MTHFD1L: variants seen among roughly 807,000 people sequenced by gnomAD.
MTHFD1L encodes monofunctional C1-tetrahydrofolate synthase, mitochondrial.
In MTHFD1L, 81 loss-of-function variants were observed where a neutral mutation model predicts 119.5. That is an observed-to-expected ratio of 0.68 (90% CI 0.57 to 0.82). The LOEUF is 0.82. Ranked by LOEUF, MTHFD1L falls within the 40% of genes least tolerant of loss-of-function variation. The probability of loss-of-function intolerance (pLI) is 0.00; values close to 1 mark genes in which losing one functional copy is unlikely to be tolerated. For missense variants in MTHFD1L, 1,125 were observed against 1,253.4 expected, an observed-to-expected ratio of 0.90 and a Z score of 1.55; for synonymous variants, 430 against 475.2, an observed-to-expected ratio of 0.90 and a Z score of 1.24.
At chr6:151,057,569 C>A (rs1790123254) in intron 26 of MTHFD1L, among the ~76,000 whole-genome samples, 1 of 151,952 alleles carries the variant, frequency 6.6e-6, no homozygotes, top group Non-Finnish European at 1.5e-5. Flanking sequence ...GAGGTAAAGG[C>A]TGAAGTGAGC....
At chr6:150,879,678 A>G (rs1478490094) in intron 4 of MTHFD1L, among the ~76,000 whole-genome samples, 3 of 128,802 alleles carry the variant, frequency 2.3e-5, no homozygotes, top group Admixed American at 9.2e-5. Flanking sequence ...CACCCAGGCT[A>G]GAGTCCAATG....
At chr6:151,081,812 A>T (rs1223060989) in intron 26 of MTHFD1L, among the ~76,000 whole-genome samples, 1 of 152,210 alleles carries the variant, frequency 6.6e-6, no homozygotes, top group Non-Finnish European at 1.5e-5. Flanking sequence ...ATGACATGGC[A>T]CAGCAAGCAA....
intron 5 of MTHFD1L, among the ~76,000 whole-genome samples, chr6:150,885,114 T>C (rs1050812290): frequency 6.6e-6 from 1 of 152,194 alleles, no homozygotes. Flanking sequence ...AGGGTGAAGT[T>C]TCCTAAGGTA....
Position 150,945,559 on chromosome 6 carries a change from A to G in MTHFD1L, c.1623+18A>G. On this transcript the variant is annotated intron_variant, in intron 15 of 27. Transcript: ENST00000367321. ...GGCTAAAAGTAAGTTTCCAGTTAGC[A>G]ATTCTTTAAAAAGAAAATATCGTAG... is the stretch of plus-strand genomic sequence containing the variant. 1 of 1,604,318 alleles carries G rather than the reference A, an allele frequency of 6.2e-7. No homozygotes were observed. Among genetic ancestry groups the G allele is most frequent in the Non-Finnish European group, 8.5e-7 (1 of 1,173,808 alleles).
chr6:150,866,011 C>A lies in MTHFD1L; in HGVS notation c.189C>A (p.Pro63=). 2.9e-6 allele frequency: 4 copies of A among 1,389,080 alleles called. No individual in the cohort carries two copies. The highest frequency in any genetic ancestry group is 1.6e-5 in the South Asian group (1 of 62,294). 86.0% of individuals were successfully genotyped at this position (1,389,080 alleles called of 1,614,324 possible). A position where few individuals can be genotyped will look rare whatever the true frequency, so the allele number is the denominator to read the frequency against. Residue 63 remains proline (P), a synonymous_variant, in exon 1 of 28, where the codon CCC becomes CCA. Coordinates refer to ENST00000367321, the MANE Select transcript of MTHFD1L (RefSeq NM_015440.5). The stretch of plus-strand genomic sequence containing the variant: ...GCCAGGCCCGGAGCAGCTGCAGCCC[C>A]GGCGGCCGAACGCCCGCGGCGCGGG... ...QDGQARSSCS[P]GGRTPAARDS... is the part of the protein sequence containing the mutation.
chr6:150,983,237 T>C (rs1255880915), intron 20 of MTHFD1L, among the ~76,000 whole-genome samples: 1 of 151,742 alleles, frequency 6.6e-6, no homozygotes, highest in African/African-American at 2.4e-5. Context: ...CTTTTAAATA[T>C]GCTTGTTGTA....
chr6:151,095,297 G>A (rs1351768455), intron 27 of MTHFD1L, among the ~76,000 whole-genome samples: 1 of 152,112 alleles, frequency 6.6e-6, no homozygotes. Context: ...GTAAGGCTGT[G>A]GGGAAATAAT....
intron 8 of MTHFD1L, 65 bp downstream of exon 8, chr6:150,905,826 TTTTC>T: frequency 1.6e-6 from 2 of 1,252,774 alleles, no homozygotes; most frequent in Non-Finnish European, 2.3e-6. Context: ...AATGTTAACC[TTTTC>T]CTAAGAGGTT....
chr6:151,039,772 G>A lies in MTHFD1L; in HGVS notation c.2847+2655G>A, dbSNP rs529714444. Among the ~76,000 whole-genome samples, 66 of 152,220 alleles carry A rather than the reference G, an allele frequency of 4.3e-4. No homozygotes were observed. The highest frequency in any genetic ancestry group is 1.5e-3 in the African/African-American group (61 of 41,540). On this transcript the variant is annotated intron_variant, in intron 26 of 27. Coordinates refer to ENST00000367321, the MANE Select transcript of MTHFD1L (RefSeq NM_015440.5). This position sits in a 1 kb window ranked among gnomAD's most constrained non-coding sequence, Gnocchi z 4.4. ...ACTACTAAAAATACAAAAATTTGCCGGGCGGGGTGGTGGGCACCTATAATC... is the reference window on the plus strand; with the variant it reads ...ACTACTAAAAATACAAAAATTTGCCAGGCGGGGTGGTGGGCACCTATAATC...
At chr6:151,008,352 A>G (rs574655708) in intron 20 of MTHFD1L, among the ~76,000 whole-genome samples, 2 of 152,214 alleles carry the variant, frequency 1.3e-5, no homozygotes, top group Admixed American at 6.5e-5. Flanking sequence ...GCATATAAGT[A>G]TGTATTTCAT....
intron 4 of MTHFD1L, 67 bp from the exon 5 acceptor site, chr6:150,882,695 A>G: frequency 1.7e-6 from 2 of 1,185,470 alleles, no homozygotes; most frequent in South Asian, 3.8e-5. Flanking sequence ...TTTTATATAA[A>G]GCTTCCTTTG....
chr6:151,032,186 A>G (rs1785426077), intron 24 of MTHFD1L, among the ~76,000 whole-genome samples: 1 of 152,240 alleles, frequency 6.6e-6, no homozygotes, highest in Non-Finnish European at 1.5e-5. Flanking sequence ...GAGTTGCTAT[A>G]AAGGCATCCC....
intron 15 of MTHFD1L, 89 bp from the exon 16 acceptor site, chr6:150,948,942 G>C: frequency 8.9e-7 from 1 of 1,118,112 alleles, no homozygotes; most frequent in Non-Finnish European, 1.3e-6. Context: ...ACCAATCATG[G>C]AGAAAATAAA....
At chr6:151,061,722 A>G (rs1445682584) in intron 26 of MTHFD1L, among the ~76,000 whole-genome samples, 1 of 152,192 alleles carries the variant, frequency 6.6e-6, no homozygotes, top group Non-Finnish European at 1.5e-5. Context: ...AGCCCCTCAA[A>G]GGGTCATTAA....
Position 150,944,477 on chromosome 6 carries a change from T to C in MTHFD1L, c.1441-9T>C. 6.3e-7 allele frequency: 1 copy of C among 1,596,840 alleles called. No individual in the cohort carries two copies. ...AATAAATAAATAGAAAGATATCTTA[T>C]TTCTCTAGTTCAACCTTCACTTGAC... On this transcript the variant is annotated splice_polypyrimidine_tract_variant and intron_variant, in intron 13 of 27. Transcript: ENST00000367321.
chr6:150,994,097 G>GAAGAAAGAAAGAA (rs61147935), intron 20 of MTHFD1L, among the ~76,000 whole-genome samples: 10 of 129,180 alleles, frequency 7.7e-5, no homozygotes, highest in East Asian at 4.5e-4. Context: ...AAGAAAGAAA[G>GAAGAAAGAAAGAA]TGACCCAGCA....
intron 20 of MTHFD1L, among the ~76,000 whole-genome samples, chr6:150,998,989 T>TAAAAAAAAA (rs201806937): frequency 1.4e-4 from 21 of 147,920 alleles, no homozygotes; most frequent in African/African-American, 3.3e-4. Context: ...GACCCTGTCT[T>TAAAAAAAAA]AAAAAAATAT....
chr6:150,931,268 CTT>C (rs370763551), intron 11 of MTHFD1L, among the ~76,000 whole-genome samples: 21 of 123,710 alleles, frequency 1.7e-4, no homozygotes, highest in Non-Finnish European at 3.4e-4. Context: ...ATCATTTCAT[CTT>C]TTTTTTTTTT....
At chr6:151,046,837 G>A (rs1324506108) in intron 26 of MTHFD1L, among the ~76,000 whole-genome samples, 4 of 152,232 alleles carry the variant, frequency 2.6e-5, no homozygotes, top group Admixed American at 2.6e-4. Flanking sequence ...GCCACCCTCA[G>A]AGTCAGTTTG....
Sources: allele counts gnomAD v4.1 joint callset (sites outside exome capture counted in the v4.1 genomes callset), GRCh38; gene constraint gnomAD v4.1.1; non-coding constraint Gnocchi (gnomAD v3.1); transcripts MANE v1.5; gene names NCBI Gene and HGNC (gene_info 2026-07-23, HGNC 2026-07-21).